AKAP7: variants seen among roughly 807,000 people sequenced by gnomAD.
AKAP7 encodes the protein A-kinase anchoring protein 7, also known as A kinase (PRKA) anchor protein 7.
AKAP7 carries 39 observed loss-of-function variants against 39.5 expected under a neutral mutation model. That is an observed-to-expected ratio of 0.99 (90% CI 0.76 to 1.29). AKAP7 has a LOEUF of 1.29. Ranked by LOEUF, AKAP7 falls within the 50% of genes most tolerant of loss-of-function variation. The pLI, the probability that AKAP7 is intolerant of heterozygous loss-of-function variation, is 0.00. For missense variants in AKAP7, 414 were observed against 407.7 expected (o/e 1.02, Z -0.13); for synonymous variants, 140 against 139.1 (o/e 1.01, Z -0.05).
chr6:131,255,891 C>T (rs1448366078), intron 7 of AKAP7, among the ~76,000 whole-genome samples: 1 of 152,196 alleles, frequency 6.6e-6, no homozygotes, highest in African/African-American at 2.4e-5. Flanking sequence ...TTGACTTCCC[C>T]TCTTTTTCTC....
At chr6:131,264,763 C>T (rs182730301) in intron 7 of AKAP7, among the ~76,000 whole-genome samples, 160 of 152,216 alleles carry the variant, frequency 1.1e-3, no homozygotes, top group African/African-American at 3.7e-3. Flanking sequence ...ACAGGAAGCA[C>T]GGTGCTAGCA....
chr6:131,241,575 ATATGTGTGTGTGTG>A (rs1562237904), intron 7 of AKAP7, among the ~76,000 whole-genome samples: 3 of 63,786 alleles, frequency 4.7e-5, no homozygotes, highest in African/African-American at 2.0e-4. Context: ...TAGATTATAT[ATATGTGTGTGTGTG>A]TGTGTGTGTG....
intron 5 of AKAP7, among the ~76,000 whole-genome samples, chr6:131,188,228 A>G (rs958624413): frequency 2.6e-5 from 1 of 39,030 alleles, no homozygotes; most frequent in Non-Finnish European, 4.8e-5. Context: ...GTCAGCCTTT[A>G]TATTGAAACA....
intron 6 of AKAP7, among the ~76,000 whole-genome samples, chr6:131,206,616 C>T (rs1808119588): frequency 6.6e-6 from 1 of 152,148 alleles, no homozygotes; most frequent in Non-Finnish European, 1.5e-5. Flanking sequence ...ATATACAGAA[C>T]TAGAATTGTA....
At chr6:131,198,037 A>G (rs1807128282) in intron 5 of AKAP7, among the ~76,000 whole-genome samples, 1 of 152,160 alleles carries the variant, frequency 6.6e-6, no homozygotes, top group African/African-American at 2.4e-5. Flanking sequence ...ACTTGAGATA[A>G]TGGGAGTGCT....
chr6:131,241,617 G>GTATATACGTATATATATATATA (rs1562238097), intron 7 of AKAP7, among the ~76,000 whole-genome samples: 1 of 97,216 alleles, frequency 1.0e-5, no homozygotes, highest in African/African-American at 4.0e-5. Context: ...GTGTGTGTGT[G>GTATATACGTATATATATATATA]TGTGTGTGTG....
intron 7 of AKAP7, among the ~76,000 whole-genome samples, chr6:131,241,197 A>T (rs536803219): frequency 6.6e-6 from 1 of 152,298 alleles, no homozygotes; most frequent in East Asian, 1.9e-4. Context: ...GGAGCAGGAA[A>T]CTGATCAGCA....
intron 5 of AKAP7, among the ~76,000 whole-genome samples, chr6:131,198,747 T>C (rs574398019): frequency 1.3e-5 from 2 of 152,304 alleles, no homozygotes; most frequent in South Asian, 4.1e-4. Context: ...CTTTTCTTGT[T>C]AAAGTACTAG....
intron 7 of AKAP7, among the ~76,000 whole-genome samples, chr6:131,231,139 C>T (rs904558921): frequency 1.3e-5 from 2 of 152,098 alleles, no homozygotes; most frequent in African/African-American, 4.8e-5. Flanking sequence ...TAAGCTATCT[C>T]CATGTTAAAT....
chr6:131,227,634 A>C (rs1810289013), intron 7 of AKAP7, among the ~76,000 whole-genome samples: 1 of 152,226 alleles, frequency 6.6e-6, no homozygotes, highest in Non-Finnish European at 1.5e-5. Context: ...TAAACTAAAC[A>C]GAAGAAGCAA....
At position 131,199,566 on chromosome 6, in the gene AKAP7, G is replaced by T. The variant is rs186732768; in HGVS notation, c.695G>T (p.Arg232Leu). 1.9e-6 allele frequency: 3 copies of T among 1,599,066 alleles called. No individual in the cohort carries two copies. The highest frequency in any genetic ancestry group is 2.6e-6 in the Non-Finnish European group (3 of 1,166,530). ...FMKLSKSPWL[R>L]KNGVKKIDPD... is the part of the protein sequence containing the mutation. Reference sequence around the variant, plus strand: ...AAGTTGTCAAAATCACCGTGGCTCCGTAAGAATGTGAGTGCATGTTCTTAT... The same window carrying T: ...AAGTTGTCAAAATCACCGTGGCTCCTTAAGAATGTGAGTGCATGTTCTTAT... The change falls in exon 6 of 8, where the codon CGT becomes CTT. Residue 232 changes from arginine (R) to leucine (L), a missense_variant. Arg to Leu is a moderately radical substitution (Grantham distance 102). Coordinates refer to ENST00000431975, the MANE Select transcript of AKAP7 (RefSeq NM_016377.4).
chr6:131,212,332 G>T (rs1808743853), intron 6 of AKAP7, among the ~76,000 whole-genome samples: 2 of 152,200 alleles, frequency 1.3e-5, no homozygotes, highest in Non-Finnish European at 2.9e-5. Context: ...TACATTTCTT[G>T]CTCTATCTGG....
intron 2 of AKAP7, among the ~76,000 whole-genome samples, chr6:131,148,635 G>C (rs977345588): frequency 2.6e-5 from 4 of 152,128 alleles, no homozygotes; most frequent in Admixed American, 6.5e-5. Context: ...TTTTATAATA[G>C]CATTTACTAA....
At chr6:131,142,106 G>A (rs1340667661) in intron 1 of AKAP7, among the ~76,000 whole-genome samples, 1 of 152,020 alleles carries the variant, frequency 6.6e-6, no homozygotes, top group African/African-American at 2.4e-5. Flanking sequence ...TGGAAAATTT[G>A]CAGCTTAGGC....
chr6:131,162,434 C>G (rs184050579), intron 3 of AKAP7, among the ~76,000 whole-genome samples: 170 of 152,288 alleles, frequency 1.1e-3, no homozygotes, highest in African/African-American at 3.3e-3. Flanking sequence ...GTCACAGACT[C>G]CGCTGCATGT....
chr6:131,185,238 G>C (rs1805716989), intron 5 of AKAP7: 1 of 468,508 alleles, frequency 2.1e-6, no homozygotes, highest in Non-Finnish European at 4.1e-6. Context: ...ACAGGGGTGG[G>C]CTCACCGCTT....
chr6:131,274,146 G>A (rs543186815), intron 7 of AKAP7, among the ~76,000 whole-genome samples: 2 of 151,834 alleles, frequency 1.3e-5, no homozygotes, highest in South Asian at 4.2e-4. Context: ...TTCTTTGGCT[G>A]TTTTAAGATT....
chr6:131,256,728 T>A (rs1306370675), intron 7 of AKAP7, among the ~76,000 whole-genome samples: 1 of 151,276 alleles, frequency 6.6e-6, no homozygotes, highest in African/African-American at 2.4e-5. Context: ...ATTATTATTA[T>A]TATTATTAAA....
intron 2 of AKAP7, among the ~76,000 whole-genome samples, chr6:131,148,042 T>C (rs1475458872): frequency 6.6e-6 from 1 of 152,182 alleles, no homozygotes; most frequent in African/African-American, 2.4e-5. Flanking sequence ...CTGGATGTGT[T>C]TGTGGCATGC....
Sources: allele counts gnomAD v4.1 joint callset (sites outside exome capture counted in the v4.1 genomes callset), GRCh38; gene constraint gnomAD v4.1.1; transcripts MANE v1.5; gene names NCBI Gene and HGNC (gene_info 2026-07-23, HGNC 2026-07-21).